COL6A6: variants seen among roughly 807,000 people sequenced by gnomAD.
COL6A6 encodes the protein collagen type VI alpha 6 chain.
COL6A6 carries 183 observed loss-of-function variants against 208.6 expected under a neutral mutation model. That is an observed-to-expected ratio of 0.88 (90% CI 0.78 to 0.99). The LOEUF is 0.99. Ranked by LOEUF, COL6A6 falls within the 50% of genes least tolerant of loss-of-function variation. The pLI is 0.00. For synonymous variants in COL6A6, 973 were observed against 1,011.8 expected, an observed-to-expected ratio of 0.96 and a Z score of 0.73; for missense variants, 2,816 against 2,815.2, an observed-to-expected ratio of 1.00 and a Z score of -0.01.
At chr3:130,570,740 A>G (rs891493823) in intron 6 of COL6A6, 78 bp from the exon 7 acceptor site, 4 of 1,103,592 alleles carry the variant, frequency 3.6e-6, no homozygotes, top group Non-Finnish European at 5.2e-6. Flanking sequence ...AACACTAGCA[A>G]TTTATAAAAA....
chr3:130,564,269 T>G (rs926650740), intron 3 of COL6A6, among the ~76,000 whole-genome samples: 1 of 152,348 alleles, frequency 6.6e-6, no homozygotes, highest in African/African-American at 2.4e-5. Flanking sequence ...CTGAATTAGT[T>G]TTCCCTGTGT....
intron 36 of COL6A6, 148 bp from the exon 37 acceptor site, chr3:130,675,054 A>T: frequency 1.9e-6 from 1 of 527,750 alleles, no homozygotes; most frequent in Non-Finnish European, 3.3e-6. Context: ...AGCCAGTTTA[A>T]GTACCCAGTT....
intron 36 of COL6A6, 81 bp from the exon 37 acceptor site, chr3:130,675,121 A>C: frequency 1.1e-6 from 1 of 913,540 alleles, no homozygotes; most frequent in African/African-American, 1.7e-5. Flanking sequence ...GAAACAATTA[A>C]TTTACTATGA....
At chr3:130,584,122 A>G (rs2063483569) in intron 10 of COL6A6, among the ~76,000 whole-genome samples, 1 of 152,170 alleles carries the variant, frequency 6.6e-6, no homozygotes, top group Non-Finnish European at 1.5e-5. Context: ...TTCTTAATTC[A>G]CTGTTAGAAA....
At chr3:130,673,212 A>G (rs1365679305) in intron 36 of COL6A6, among the ~76,000 whole-genome samples, 1 of 123,312 alleles carries the variant, frequency 8.1e-6, no homozygotes, top group Non-Finnish European at 1.5e-5. Context: ...AAAAAACAAA[A>G]AAAACAAAAA....
At chr3:130,640,465 C>T (rs80014728) in intron 28 of COL6A6, among the ~76,000 whole-genome samples, 3,114 of 152,266 alleles carry the variant, frequency 0.02, 116 homozygotes, top group African/African-American at 0.071. Flanking sequence ...TGGAGGTTAA[C>T]CTTTATCTTC....
At chr3:130,664,814 G>A (rs923112363) in intron 35 of COL6A6, among the ~76,000 whole-genome samples, 189 bp from the exon 36 acceptor site, 5 of 152,106 alleles carry the variant, frequency 3.3e-5, no homozygotes, top group Admixed American at 2.0e-4. Flanking sequence ...AATTCAGAAG[G>A]GATGTGTTTT....
chr3:130,526,563 G>C (rs1479471778), intron 1 of COL6A6, among the ~76,000 whole-genome samples: 2 of 152,174 alleles, frequency 1.3e-5, no homozygotes, highest in Non-Finnish European at 2.9e-5. Context: ...AGAAGGACAA[G>C]GGTCAGGTAC....
rs777064754 is a variant in COL6A6, at chr3:130,526,333, AG to A, written c.-32+8938del. On this transcript the variant is annotated intron_variant, in intron 1 of 36. Coordinates refer to ENST00000358511, the MANE Select transcript of COL6A6 (RefSeq NM_001102608.3). ...TTGGGCTTGTTCATGGAATGCAAGG[AG>A]GCCATAGTGGCTGGAGTGGAGGGAA... is the stretch of plus-strand genomic sequence containing the variant. 4.9e-4 allele frequency among the ~76,000 whole-genome samples: 74 copies of A among 152,062 alleles called. 1 individual carries two copies. Among genetic ancestry groups the A allele is most frequent in the Non-Finnish European group, 8.8e-5 (6 of 68,014 alleles).
intron 1 of COL6A6, among the ~76,000 whole-genome samples, chr3:130,531,622 C>T (rs762406743): frequency 6.6e-5 from 10 of 152,210 alleles, no homozygotes; most frequent in Admixed American, 1.3e-4. Context: ...TGCTCTCATG[C>T]CTGTCTTTTC....
At position 130,669,086 on chromosome 3, in the gene COL6A6, A is replaced by G. The variant is rs1032487027; in HGVS notation, c.6596+3990A>G. On this transcript the variant is annotated intron_variant, in intron 36 of 36. Transcript: ENST00000358511. ...ATCCACATTGTCTGACCACAATGCA[A>G]TTAAGTTAGAAATTAATAATATTTT... Among the ~76,000 whole-genome samples the G allele has an allele frequency of 2.6e-4, 39 of 152,200 alleles. 1 individual carries two copies. Among genetic ancestry groups the G allele is most frequent in the Admixed American group, 2.2e-3 (33 of 15,288 alleles).
intron 1 of COL6A6, among the ~76,000 whole-genome samples, chr3:130,521,882 G>A (rs973562183): frequency 1.4e-4 from 21 of 152,272 alleles, no homozygotes; most frequent in Admixed American, 3.3e-4. Flanking sequence ...CAATGGAACC[G>A]AGCTCCAGCT....
intron 23 of COL6A6, among the ~76,000 whole-genome samples, chr3:130,613,866 G>A (rs1443308277): frequency 6.6e-6 from 1 of 152,126 alleles, no homozygotes; most frequent in African/African-American, 2.4e-5. Flanking sequence ...TTTCAATTTT[G>A]TATCCTAGAA....
chr3:130,563,409 G>A lies in COL6A6; in HGVS notation c.406G>A (p.Val136Met), dbSNP rs1249999818. The change falls in exon 3 of 37, where the codon GTG becomes ATG. Residue 136 changes from valine to methionine, a missense_variant. Coordinates refer to ENST00000358511, the MANE Select transcript of COL6A6 (RefSeq NM_001102608.3). ...CAAGAAACAGTTTCCCCCAATTCTA[G>A]TGGTCCTGGCTTCATCTGAGTCTGA... ...RDKKQFPPIL[V>M]VLASSESEDN... 4 of 1,614,036 alleles carry A rather than the reference G, an allele frequency of 2.5e-6. No homozygotes were observed. Among genetic ancestry groups the A allele is most frequent in the Middle Eastern group, 1.6e-4 (1 of 6,062 alleles).
At chr3:130,554,228 A>C (rs4682617) in intron 1 of COL6A6, among the ~76,000 whole-genome samples, 4 of 152,100 alleles carry the variant, frequency 2.6e-5, no homozygotes, top group Admixed American at 1.3e-4. Flanking sequence ...CTTGGCTGGT[A>C]TAGGGGTGCC....
In COL6A6 at chr3:130,574,100, C is replaced by T. The variant is rs779160637; in HGVS notation, c.3122C>T (p.Ala1041Val). The T allele has an allele frequency of 4.6e-5, 75 of 1,613,804 alleles. No individual in the cohort carries two copies. Among genetic ancestry groups the T allele is most frequent in the Non-Finnish European group, 6.0e-5 (71 of 1,179,878 alleles). ...AGCCTCAACAGAGTGCGAATAGGAG[C>T]GGCCCAGTTTAGCGATACCTATCAC... ...DVSLNRVRIG[A>V]AQFSDTYHPE... Residue 1041 changes from alanine to valine, a missense_variant, in exon 8 of 37, where the codon GCG (alanine) becomes GTG (valine). Ala to Val is a moderately conservative substitution (Grantham distance 64). Transcript: ENST00000358511.
intron 28 of COL6A6, among the ~76,000 whole-genome samples, chr3:130,641,342 T>C (rs2065302941): frequency 1.3e-5 from 2 of 152,152 alleles, no homozygotes; most frequent in African/African-American, 2.4e-5. Context: ...TGTCCAGAGA[T>C]ATATTTAGTT....
intron 23 of COL6A6, among the ~76,000 whole-genome samples, chr3:130,612,710 A>T (rs572899435): frequency 6.6e-6 from 1 of 152,176 alleles, no homozygotes; most frequent in East Asian, 1.9e-4. Flanking sequence ...CCCTCTGGTG[A>T]GGTCTATGTA....
chr3:130,590,693 G>A (rs2063688552), intron 12 of COL6A6, among the ~76,000 whole-genome samples: 1 of 151,876 alleles, frequency 6.6e-6, no homozygotes, highest in Non-Finnish European at 1.5e-5. Context: ...TCGGCCTCCT[G>A]AGTAGCTGGG....
Sources: gnomAD v4.1 joint callset for allele counts (sites outside exome capture counted in the v4.1 genomes callset) on GRCh38, gnomAD v4.1.1 for gene constraint, MANE v1.5 for transcripts, NCBI Gene and HGNC (gene_info 2026-07-23, HGNC 2026-07-21) for gene names.